The following TTLL4 variants were observed in gnomAD, a reference collection of about 807,000 sequenced individuals.
The protein encoded by TTLL4 is tubulin tyrosine ligase like 4.
A neutral mutation model predicts 122.7 loss-of-function variants in TTLL4; 85 were observed. That is an observed-to-expected ratio of 0.69 (90% CI 0.58 to 0.83). TTLL4 has a LOEUF of 0.83. Among genes scored for constraint, TTLL4 ranks in the 40% least tolerant of loss-of-function variants. TTLL4 has a pLI of 0.00. For synonymous variants in TTLL4, 553 were observed against 563.0 expected (o/e 0.98, Z 0.25); for missense variants, 1,363 against 1,488.6 (o/e 0.92, Z 1.39).
chr2:218,753,759 T>A, intron 19 of TTLL4, 90 bp downstream of exon 19: 1 of 1,420,202 alleles, frequency 7.0e-7, no homozygotes, highest in African/African-American at 1.4e-5. Flanking sequence ...GGCAGTGAGA[T>A]CAGCATTCTC....
Position 218,753,585 on chromosome 2 carries a change from G to A in TTLL4, c.3260G>A (p.Trp1087Ter). Residue 1087 changes from tryptophan (W) to a stop codon, truncating the protein, a stop_gained and splice_region_variant, in exon 19 of 20, where the codon TGG (tryptophan) becomes TAG (stop). Transcript: ENST00000392102. LOFTEE classifies it high-confidence loss of function. ...TCTCATTGCTTCCTTTGCTCTTAGT[G>A]GTCTCTCCCGACATCACTTCTGACT... ...MGVVSDSAPV[W>*]SLPTSLLTIS... 6.2e-7 allele frequency: 1 copy of A among 1,614,060 alleles called. No homozygotes were observed. The highest frequency in any genetic ancestry group is 8.5e-7 in the Non-Finnish European group (1 of 1,180,024).
At chr2:218,730,340 A>G (rs1942340413) in intron 2 of TTLL4, among the ~76,000 whole-genome samples, 3 of 116,744 alleles carry the variant, frequency 2.6e-5, no homozygotes, top group East Asian at 2.1e-4. Flanking sequence ...AAAAAAAAAA[A>G]AAAAAAAAAG....
chr2:218,722,996 T>C (rs1010582775), intron 1 of TTLL4, among the ~76,000 whole-genome samples: 8 of 152,232 alleles, frequency 5.3e-5, no homozygotes, highest in Non-Finnish European at 1.2e-4. Context: ...ATATTTTTTA[T>C]TGAAGTCTTC....
Position 218,738,790 on chromosome 2 carries a change from G to A in TTLL4, c.1114G>A (p.Val372Ile), listed in dbSNP as rs200974697. 1 of 1,614,216 alleles carries A rather than the reference G, an allele frequency of 6.2e-7. No individual in the cohort carries two copies. The highest frequency in any genetic ancestry group is 8.5e-7 in the Non-Finnish European group (1 of 1,180,042). Residue 372 changes from valine to isoleucine, a missense_variant, in exon 3 of 20, where the codon GTC (valine) becomes ATC (isoleucine). Val to Ile is a conservative substitution (Grantham distance 29). Transcript: ENST00000392102. ...SFLNPSFQWN[V>I]LNRSRRWKPP... ...CCTGAACCCCAGCTTCCAGTGGAAT[G>A]TCCTCAACAGGAGCAGGCGGTGGAA...
At chr2:218,727,815 ATTAGAG>A (rs928562011) in intron 2 of TTLL4, among the ~76,000 whole-genome samples, 1 of 151,962 alleles carries the variant, frequency 6.6e-6, no homozygotes, top group Non-Finnish European at 1.5e-5. Context: ...TTACTGCCTC[ATTAGAG>A]TTAGTCACTG....
chr2:218,725,846 A>G lies in TTLL4; in HGVS notation c.-177-1423A>G, dbSNP rs1642321503. On this transcript the variant is annotated intron_variant, in intron 1 of 19. Transcript: ENST00000392102. ...GCTGGGATTACAGATGTGAGCCACC[A>G]TGCCCAGCCTTATTTGCCTATTTCT... Among the ~76,000 whole-genome samples, 6 of 152,108 alleles carry G rather than the reference A, an allele frequency of 3.9e-5. 1 individual carries two copies. In the South Asian group the frequency reaches 1.2e-3, roughly 32 times the overall value.
At position 218,754,519 on chromosome 2, in the gene TTLL4, G is replaced by C. The variant is rs967983971; in HGVS notation, c.*130G>C. On this transcript the variant is annotated 3_prime_UTR_variant, in exon 20 of 20. Transcript: ENST00000392102. ...GTCCCTCCTCAGAGTATTTTTTGAAGTGGTTGCATTATAGAGATGGGTATT... is the reference window on the plus strand; with the variant it reads ...GTCCCTCCTCAGAGTATTTTTTGAACTGGTTGCATTATAGAGATGGGTATT... 1 of 1,283,610 alleles carries C rather than the reference G, an allele frequency of 7.8e-7. No homozygotes were observed. Among genetic ancestry groups the C allele is most frequent in the African/African-American group, 1.5e-5 (1 of 66,684 alleles). The allele number at this position is 1,283,610 out of a possible 1,614,324, so 79.5% of individuals were successfully genotyped here. A position where few individuals can be genotyped will look rare whatever the true frequency, so the allele number is the denominator to read the frequency against.
rs1031877599 is a variant in TTLL4, at chr2:218,737,863, C to T, written c.187C>T (p.Leu63=). The T allele has an allele frequency of 1.9e-6, 3 of 1,614,248 alleles. No individual in the cohort carries two copies. The highest frequency in any genetic ancestry group is 1.3e-5 in the African/African-American group (1 of 75,072). ...GCTGGAAAAGAAGCAAGTGGAGACA[C>T]TGTCAGCAGGGTTGGGCCCAGGCCT... ...WKLEKKQVET[L]SAGLGPGLLG... The change falls in exon 3 of 20, where the codon CTG becomes TTG. Residue 63 remains leucine, a synonymous_variant. Coordinates refer to ENST00000392102, the MANE Select transcript of TTLL4 (RefSeq NM_014640.5).
intron 4 of TTLL4, 45 bp from the exon 5 acceptor site, chr2:218,740,476 T>C (rs1373844767): frequency 8.7e-6 from 14 of 1,602,258 alleles, no homozygotes; most frequent in Non-Finnish European, 1.2e-5. Flanking sequence ...AAGTTTGTGC[T>C]GCAGCCTCTT....
At chr2:218,722,998 G>C (rs895169924) in intron 1 of TTLL4, among the ~76,000 whole-genome samples, 3 of 152,124 alleles carry the variant, frequency 2.0e-5, no homozygotes, top group African/African-American at 4.8e-5. Flanking sequence ...ATTTTTTATT[G>C]AAGTCTTCTT....
At chr2:218,748,522 G>T in intron 12 of TTLL4, 1 of 451,932 alleles carries the variant, frequency 2.2e-6, no homozygotes. Context: ...GGGTGTGGTG[G>T]CAGGCGCCTA....
chr2:218,731,573 T>C (rs1942383358), intron 2 of TTLL4, among the ~76,000 whole-genome samples: 1 of 152,212 alleles, frequency 6.6e-6, no homozygotes, highest in Admixed American at 6.5e-5. Flanking sequence ...AGAGGGGAGA[T>C]AGATCATTTG....
chr2:218,711,509 A>C (rs946954405), intron 1 of TTLL4, among the ~76,000 whole-genome samples: 2 of 152,226 alleles, frequency 1.3e-5, no homozygotes, highest in Admixed American at 1.3e-4. Flanking sequence ...AGGATCTGAG[A>C]TCCTGTGGAA....
Position 218,747,633 on chromosome 2 carries a change from G to A in TTLL4, c.2286G>A (p.Lys762=), listed in dbSNP as rs1186751078. ...LHKPYLISGS[K]FDLRIYVYVT... is the part of the protein sequence containing the mutation. ...AACCCTACCTCATCAGCGGCAGCAA[G>A]TTTGACCTGCGGATCTATGTTTATG... The change falls in exon 11 of 20, where the codon AAG becomes AAA. Residue 762 remains lysine (K), a synonymous_variant. Transcript: ENST00000392102. The surrounding 1 kb of genome is among the most constrained non-coding windows in gnomAD (Gnocchi z 4.7). 1.9e-6 allele frequency: 3 copies of A among 1,614,102 alleles called. No homozygotes were observed. Among genetic ancestry groups the A allele is most frequent in the African/African-American group, 2.7e-5 (2 of 74,926 alleles).
At chr2:218,751,832 G>C (rs180840308) in intron 16 of TTLL4, 26 bp downstream of exon 16, 1 of 1,584,978 alleles carries the variant, frequency 6.3e-7, no homozygotes, top group East Asian at 2.3e-5. Flanking sequence ...TCCCCCCAGT[G>C]CTAGCAGAAA....
At chr2:218,748,555 T>G in intron 12 of TTLL4, 2 of 435,162 alleles carry the variant, frequency 4.6e-6, no homozygotes, top group South Asian at 3.0e-5. Flanking sequence ...CTCAGGAAGT[T>G]GAGGCAGGAG....
chr2:218,735,863 G>A (rs1375342209), intron 2 of TTLL4, among the ~76,000 whole-genome samples: 1 of 151,112 alleles, frequency 6.6e-6, no homozygotes, highest in Non-Finnish European at 1.5e-5. Flanking sequence ...AGTAGAGAGC[G>A]TTTCACCATG....
At chr2:218,720,401 G>A (rs1287704154) in intron 1 of TTLL4, among the ~76,000 whole-genome samples, 1 of 152,144 alleles carries the variant, frequency 6.6e-6, no homozygotes, top group Non-Finnish European at 1.5e-5. Flanking sequence ...GTGGTAAGAG[G>A]GGAACGCCTT....
rs920687045 is a variant in TTLL4, at chr2:218,737,991, A to G, written c.315A>G (p.Leu105=). 6.2e-7 allele frequency: 1 copy of G among 1,614,038 alleles called. No homozygotes were observed. The highest frequency in any genetic ancestry group is 8.5e-7 in the Non-Finnish European group (1 of 1,180,010). The stretch of plus-strand genomic sequence containing the variant: ...CAGGCCACAGCAGTTCCTGTTACCT[A>G]CACTCTCTCCCGGACTTGTTCAACA... ...VIAGHSSSCY[L]HSLPDLFNST... The change falls in exon 3 of 20, where the codon CTA becomes CTG. Residue 105 remains leucine, a synonymous_variant. Coordinates refer to ENST00000392102, the MANE Select transcript of TTLL4 (RefSeq NM_014640.5).
Sources: allele counts gnomAD v4.1 joint callset (sites outside exome capture counted in the v4.1 genomes callset), GRCh38; gene constraint gnomAD v4.1.1; non-coding constraint Gnocchi (gnomAD v3.1); transcripts MANE v1.5; gene names NCBI Gene and HGNC (gene_info 2026-07-23, HGNC 2026-07-21).